Variants in CATSPERE observed in about 807,000 individuals in gnomAD.
CATSPERE encodes the protein cation channel sperm-associated auxiliary subunit epsilon.
In CATSPERE, 93 loss-of-function variants were observed where a neutral mutation model predicts 114.1. The observed-to-expected ratio is 0.81, with a 90% CI of 0.69 to 0.97. CATSPERE has a LOEUF of 0.97. Among genes scored for constraint, CATSPERE ranks in the 50% least tolerant of loss-of-function variants. CATSPERE has a pLI of 0.00. For synonymous variants in CATSPERE, 341 were observed against 384.1 expected (o/e 0.89, Z 1.31); for missense variants, 1,058 against 1,131.6 (o/e 0.93, Z 0.93).
In CATSPERE at chr1:244,552,790, G is replaced by T. The variant is rs749634016; in HGVS notation, c.1005G>T (p.Trp335Cys). Reference sequence around the variant, plus strand: ...TTACTGGCATTTCATCAAGAAAATGGTGTTGGGTCAATTATTTATTAAAGG... The same window carrying T: ...TTACTGGCATTTCATCAAGAAAATGTTGTTGGGTCAATTATTTATTAAAGG... ...GGITGISSRK[W>C]CWVNYLLKAK... The change falls in exon 9 of 22, where the codon TGG (tryptophan) becomes TGT (cysteine). Residue 335 changes from tryptophan (W) to cysteine (C), a missense_variant. Around this residue, in one of 2 missense-constraint regions of CATSPERE, gnomAD observed 787 missense variants for 905.6 expected, o/e 0.87. Transcript: ENST00000366534. The T allele has an allele frequency of 1.3e-6, 2 of 1,589,770 alleles. No homozygotes were observed. Among genetic ancestry groups the T allele is most frequent in the Admixed American group, 3.6e-5 (2 of 55,022 alleles).
intron 8 of CATSPERE, among the ~76,000 whole-genome samples, chr1:244,543,933 A>C (rs1659307073): frequency 6.6e-6 from 1 of 152,138 alleles, no homozygotes; most frequent in Non-Finnish European, 1.5e-5. Context: ...CTTAAATATT[A>C]GTGTACAGTG....
At chr1:244,605,554 A>G in intron 17 of CATSPERE, 141 bp from the exon 18 acceptor site, 1 of 468,052 alleles carries the variant, frequency 2.1e-6, no homozygotes, top group Non-Finnish European at 3.8e-6. Context: ...GAGTTTAAGT[A>G]ACTCCCCCAG....
intron 8 of CATSPERE, among the ~76,000 whole-genome samples, chr1:244,550,020 T>G (rs1660365761): frequency 6.6e-6 from 1 of 152,162 alleles, no homozygotes; most frequent in African/African-American, 2.4e-5. Context: ...ACTCAGACAT[T>G]GGCATTCCTG....
chr1:244,620,501 G>A (rs1671950598), intron 20 of CATSPERE, among the ~76,000 whole-genome samples: 1 of 152,106 alleles, frequency 6.6e-6, no homozygotes, highest in Non-Finnish European at 1.5e-5. Flanking sequence ...TTCTCTTCCA[G>A]TGCCTAGGGA....
chr1:244,477,426 T>C (rs1489008999), intron 2 of CATSPERE, 115 bp from the exon 3 acceptor site: 1 of 657,608 alleles, frequency 1.5e-6, no homozygotes, highest in African/African-American at 1.8e-5. Context: ...GGAATTGAAT[T>C]TTAGTTATTC....
At chr1:244,576,463 C>T (rs761148752) in intron 11 of CATSPERE, among the ~76,000 whole-genome samples, 11 of 148,692 alleles carry the variant, frequency 7.4e-5, no homozygotes, top group Admixed American at 7.3e-4. Flanking sequence ...AGGGTGCTCT[C>T]GCCATTGCTC....
At chr1:244,460,164 G>A (rs1468742489), upstream of CATSPERE, among the ~76,000 whole-genome samples, 1 of 152,182 alleles carries the variant, frequency 6.6e-6, no homozygotes, top group African/African-American at 2.4e-5. Context: ...ACACAAAGAC[G>A]GTAACAACCC....
At chr1:244,584,275 A>G (rs1390460155) in intron 13 of CATSPERE, among the ~76,000 whole-genome samples, 1 of 152,204 alleles carries the variant, frequency 6.6e-6, no homozygotes, top group East Asian at 1.9e-4. Flanking sequence ...TACCTTCCCT[A>G]GAGGTAAACG....
At chr1:244,560,402 CG>C (rs1662363479) in intron 9 of CATSPERE, among the ~76,000 whole-genome samples, 1 of 9,224 alleles carries the variant, frequency 1.1e-4, no homozygotes, top group African/African-American at 5.3e-4. Context: ...GAGACTTGGG[CG>C]GGGGTGGGGG....
At chr1:244,550,404 T>C (rs1558477468) in intron 8 of CATSPERE, among the ~76,000 whole-genome samples, 1 of 152,162 alleles carries the variant, frequency 6.6e-6, no homozygotes. Context: ...ATAGTCACAG[T>C]TTTAAAAATT....
chr1:244,543,845 C>CAT (rs1659288542), intron 8 of CATSPERE, among the ~76,000 whole-genome samples: 1 of 151,632 alleles, frequency 6.6e-6, no homozygotes, highest in African/African-American at 2.4e-5. Context: ...AGGGGAGAAA[C>CAT]ATAGTGGGTC....
At chr1:244,464,890 TTA>T (rs1667359679) in intron 2 of CATSPERE, among the ~76,000 whole-genome samples, 1 of 152,076 alleles carries the variant, frequency 6.6e-6, no homozygotes, top group Admixed American at 6.5e-5. Flanking sequence ...GTTGTAAAAA[TTA>T]ATCAAATGTT....
In CATSPERE at chr1:244,552,571, A is replaced by G. The variant is rs377258316; in HGVS notation, c.786A>G (p.Thr262=). ...VLVTDMETFH[T]TDSFKSWTRI... is the part of the protein sequence containing the mutation. ...TGACAGATATGGAGACCTTTCACAC[A>G]ACTGATTCATTCAAATCTTGGACCA... Residue 262 remains threonine (T), a synonymous_variant, in exon 9 of 22, where the codon ACA becomes ACG. Coordinates refer to ENST00000366534, the MANE Select transcript of CATSPERE (RefSeq NM_001130957.2). 12 of 1,614,066 alleles carry G rather than the reference A, an allele frequency of 7.4e-6. No individual in the cohort carries two copies. The highest frequency in any genetic ancestry group is 7.6e-6 in the Non-Finnish European group (9 of 1,180,038).
chr1:244,570,332 G>A (rs76407310), intron 10 of CATSPERE, among the ~76,000 whole-genome samples: 262 of 152,216 alleles, frequency 1.7e-3, no homozygotes, highest in African/African-American at 5.6e-3. Flanking sequence ...TGGCTTGCAA[G>A]AGATTGTGTT....
chr1:244,534,066 C>T (rs72773416), intron 8 of CATSPERE, among the ~76,000 whole-genome samples: 4,319 of 152,164 alleles, frequency 0.028, 93 homozygotes, highest in Middle Eastern at 0.088. Flanking sequence ...TCCCTCAGCA[C>T]TTTAAATATA....
At chr1:244,459,202 C>T (rs1411204886), upstream of CATSPERE, among the ~76,000 whole-genome samples, 3 of 151,982 alleles carry the variant, frequency 2.0e-5, no homozygotes, top group Non-Finnish European at 4.4e-5. Flanking sequence ...CCTCAGCCTC[C>T]TGAGTAGCTG....
chr1:244,625,461 A>G (rs184557558), intron 20 of CATSPERE, among the ~76,000 whole-genome samples: 446 of 11,086 alleles, frequency 0.04, 1 homozygote, highest in Middle Eastern at 0.33. Flanking sequence ...ATGGAGTCTC[A>G]CTCTGTCTCC....
intron 11 of CATSPERE, among the ~76,000 whole-genome samples, chr1:244,578,843 T>TATATATATATATATATATATAC (rs756669283): frequency 1.4e-5 from 2 of 139,598 alleles, no homozygotes; most frequent in African/African-American, 5.6e-5. Flanking sequence ...TATATATATA[T>TATATATATATATATATATATAC]ACACACACAC....
At chr1:244,605,583 T>C (rs1669879108) in intron 17 of CATSPERE, 112 bp from the exon 18 acceptor site, 1 of 608,236 alleles carries the variant, frequency 1.6e-6, no homozygotes, top group African/African-American at 1.9e-5. Context: ...TATCACTTTA[T>C]GAAGTGATAA....
Sources: gnomAD v4.1 joint callset for allele counts (sites outside exome capture counted in the v4.1 genomes callset) on GRCh38, gnomAD v4.1.1 for gene constraint, gnomAD v4.1.1 regional missense constraint, MANE v1.5 for transcripts, NCBI Gene and HGNC (gene_info 2026-07-23, HGNC 2026-07-21) for gene names.